Variants in ATP11A observed in about 807,000 individuals in gnomAD.
ATP11A encodes the protein phospholipid-transporting ATPase IH.
In ATP11A, 81 loss-of-function variants were observed where a neutral mutation model predicts 154.4. The ratio of observed to expected loss-of-function variants is 0.52; its 90% CI spans 0.44 to 0.63. The LOEUF (loss-of-function observed/expected upper bound fraction) is 0.63, where lower values mean the gene tolerates loss of function less well. ATP11A is among the 30% of genes least tolerant of loss of function. The pLI is 0.00. For missense variants in ATP11A, 1,316 were observed against 1,474.3 expected (o/e 0.89, Z 1.76); for synonymous variants, 623 against 585.9 (o/e 1.06, Z -0.91).
At chr13:112,764,402 A>G (rs1283872558) in intron 1 of ATP11A, among the ~76,000 whole-genome samples, 1 of 152,198 alleles carries the variant, frequency 6.6e-6, no homozygotes, top group Non-Finnish European at 1.5e-5. Context: ...GATTTCATGG[A>G]ATGGGGACAT....
chr13:112,777,556 C>T (rs546295768), intron 1 of ATP11A, among the ~76,000 whole-genome samples: 2 of 152,298 alleles, frequency 1.3e-5, no homozygotes, highest in African/African-American at 2.4e-5. Flanking sequence ...AAGAGCAAGA[C>T]TTCGTCTCAA....
At chr13:112,787,797 C>A (rs1317593549) in intron 2 of ATP11A, among the ~76,000 whole-genome samples, 2 of 134,698 alleles carry the variant, frequency 1.5e-5, no homozygotes, top group African/African-American at 5.8e-5. Context: ...GACGTGTAAA[C>A]CCCTGTGGAG....
intron 1 of ATP11A, among the ~76,000 whole-genome samples, chr13:112,695,395 C>T (rs572877680): frequency 2.8e-4 from 42 of 152,348 alleles, no homozygotes; most frequent in African/African-American, 1.0e-3. Flanking sequence ...TTCAGGGCCT[C>T]GTGTCTTCCA....
At chr13:112,729,545 GC>G (rs1890268032) in intron 1 of ATP11A, among the ~76,000 whole-genome samples, 1 of 151,666 alleles carries the variant, frequency 6.6e-6, no homozygotes, top group South Asian at 2.1e-4. Context: ...GGCATTGCAG[GC>G]CCGGAGTGTC....
Position 112,784,212 on chromosome 13 carries a change from A to G in ATP11A, c.40-923A>G, listed in dbSNP as rs541362474. Among the ~76,000 whole-genome samples, 201 of 152,360 alleles carry G rather than the reference A, an allele frequency of 1.3e-3. 1 individual carries two copies. The highest frequency in any genetic ancestry group is 4.2e-3 in the African/African-American group (176 of 41,584). ...AGATTAAGGGGTGGTTTATGCAGAA[A>G]TTTCTAGGAGAAGGATGTAACTTGT... On this transcript the variant is annotated intron_variant, in intron 1 of 29. Transcript: ENST00000375645.
chr13:112,823,346 C>A lies in ATP11A; in HGVS notation c.727C>A (p.Pro243Thr). 6.2e-7 allele frequency: 1 copy of A among 1,613,194 alleles called. No individual in the cohort carries two copies. The highest frequency in any genetic ancestry group is 8.5e-7 in the Non-Finnish European group (1 of 1,179,248). The stretch of plus-strand genomic sequence containing the variant: ...TTTCTGATCATCGTATCTTTACAGG[C>A]CCTTAGGATCGGAAAACCTGCTGCT... ...YSDLNDPVVR[P>T]LGSENLLLRG... Residue 243 changes from proline (P) to threonine (T), a missense_variant and splice_region_variant, in exon 9 of 30, where the codon CCC becomes ACC. By Grantham distance (38) the Pro-to-Thr change is conservative. Around this residue, in one of 5 missense-constraint regions of ATP11A, gnomAD observed 876 missense variants for 1,006.8 expected, o/e 0.87. Coordinates refer to ENST00000375645, the MANE Select transcript of ATP11A (RefSeq NM_015205.3).
Position 112,833,015 on chromosome 13 carries a change from T to C in ATP11A, c.1551T>C (p.Gly517=). Reference sequence around the variant, plus strand: ...CCGACGAGGTGGCGCTGGTCGAAGGTGTCCAGAGGTACGTCGCGGGCCAAG... The same window carrying C: ...CCGACGAGGTGGCGCTGGTCGAAGGCGTCCAGAGGTACGTCGCGGGCCAAG... ...SSPDEVALVE[G]VQRLGFTYLR... Residue 517 remains glycine (G), a synonymous_variant, in exon 14 of 30, where the codon GGT becomes GGC. Coordinates refer to ENST00000375645, the MANE Select transcript of ATP11A (RefSeq NM_015205.3). 1.2e-6 allele frequency: 2 copies of C among 1,611,908 alleles called. No individual in the cohort carries two copies. The highest frequency in any genetic ancestry group is 1.7e-6 in the Non-Finnish European group (2 of 1,179,078).
intron 1 of ATP11A, among the ~76,000 whole-genome samples, chr13:112,766,137 C>G (rs2077071630): frequency 6.6e-6 from 1 of 152,038 alleles, no homozygotes. Flanking sequence ...GATGTGCCCA[C>G]CTGCTTGAGG....
At chr13:112,855,662 C>T (rs1486425084) in intron 19 of ATP11A, among the ~76,000 whole-genome samples, 1 of 152,174 alleles carries the variant, frequency 6.6e-6, no homozygotes, top group East Asian at 1.9e-4. Context: ...AGTACAGGGA[C>T]TTAACGAGTC....
At position 112,864,058 on chromosome 13, in the gene ATP11A, A is replaced by G. The variant is rs141976199; in HGVS notation, c.2991+1483A>G. ...CTCAGCAGGGTCCATCACCACCTGC[A>G]CAGTAATTCAGTGCAGGCCATGCAG... On this transcript the variant is annotated intron_variant, in intron 25 of 29. Coordinates refer to ENST00000375645, the MANE Select transcript of ATP11A (RefSeq NM_015205.3). Among the ~76,000 whole-genome samples the G allele has an allele frequency of 9.8e-3, 494 of 50,496 alleles. 116 individuals carry two copies. The highest frequency in any genetic ancestry group is 0.032 in the African/African-American group (463 of 14,470). 33.1% of individuals were successfully genotyped at this position (50,496 alleles called of 152,430 possible).
At chr13:112,776,981 G>T (rs752850292) in intron 1 of ATP11A, among the ~76,000 whole-genome samples, 1 of 152,180 alleles carries the variant, frequency 6.6e-6, no homozygotes, top group East Asian at 1.9e-4. Flanking sequence ...TGAGAGTGTC[G>T]CATCGTAGAT....
At chr13:112,826,935 G>C in intron 12 of ATP11A, 44 bp downstream of exon 12, 1 of 1,602,946 alleles carries the variant, frequency 6.2e-7, no homozygotes, top group Non-Finnish European at 8.5e-7. Context: ...TTAACATCTG[G>C]GTGAGTCTGC....
At chr13:112,793,345 G>T (rs2077910867) in intron 2 of ATP11A, among the ~76,000 whole-genome samples, 1 of 152,146 alleles carries the variant, frequency 6.6e-6, no homozygotes, top group South Asian at 2.1e-4. Context: ...GGAACTACAG[G>T]TGCCCACCAC....
In ATP11A at chr13:112,859,850, G is replaced by T. The variant is rs548384953; in HGVS notation, c.2727+398G>T. On this transcript the variant is annotated intron_variant, in intron 23 of 29. Transcript: ENST00000375645. The surrounding 1 kb of genome is among the most constrained non-coding windows in gnomAD (Gnocchi z 4.3). ...TAACACATGCAACGTGCCCATAGGGGAAGAAGACAGTTCCCATCCGGGAGG... is the reference window on the plus strand; with the variant it reads ...TAACACATGCAACGTGCCCATAGGGTAAGAAGACAGTTCCCATCCGGGAGG... 6.6e-6 allele frequency among the ~76,000 whole-genome samples: 1 copy of T among 152,336 alleles called. No homozygotes were observed. The highest frequency in any genetic ancestry group is 1.9e-4 in the East Asian group (1 of 5,180).
At chr13:112,878,121 C>A in intron 28 of ATP11A, 96 bp from the exon 29 acceptor site, 1 of 1,144,116 alleles carries the variant, frequency 8.7e-7, no homozygotes, top group Admixed American at 1.8e-5. Flanking sequence ...GTTTCTCTTT[C>A]CTTCCCATTT....
chr13:112,860,206 AG>A, intron 23 of ATP11A, 80 bp from the exon 24 acceptor site: 1 of 1,513,076 alleles, frequency 6.6e-7, no homozygotes, highest in Non-Finnish European at 9.0e-7. Flanking sequence ...CATTTCAGAA[AG>A]AAAATATATT....
In ATP11A at chr13:112,832,918, A is replaced by G. The variant is rs1431946101; in HGVS notation, c.1454A>G (p.Asp485Gly). The G allele has an allele frequency of 6.2e-7, 1 of 1,613,894 alleles. No homozygotes were observed. The highest frequency in any genetic ancestry group is 8.5e-7 in the Non-Finnish European group (1 of 1,179,978). ...LCLCHTVQVK[D>G]DDSVDGPRKS... ...CTCTGCCACACCGTCCAGGTGAAAG[A>G]CGATGACAGCGTAGACGGCCCCAGG... Residue 485 changes from aspartate to glycine, a missense_variant, in exon 14 of 30, where the codon GAC (aspartate) becomes GGC (glycine). Around this residue, in one of 5 missense-constraint regions of ATP11A, gnomAD observed 876 missense variants for 1,006.8 expected, o/e 0.87. Coordinates refer to ENST00000375645, the MANE Select transcript of ATP11A (RefSeq NM_015205.3).
chr13:112,859,699 C>T lies in ATP11A; in HGVS notation c.2727+247C>T, dbSNP rs984175250. 2.0e-5 allele frequency among the ~76,000 whole-genome samples: 3 copies of T among 152,212 alleles called. No individual in the cohort carries two copies. The highest frequency in any genetic ancestry group is 4.8e-5 in the African/African-American group (2 of 41,448). On this transcript the variant is annotated intron_variant, in intron 23 of 29. Coordinates refer to ENST00000375645, the MANE Select transcript of ATP11A (RefSeq NM_015205.3). This position sits in a 1 kb window ranked among gnomAD's most constrained non-coding sequence, Gnocchi z 4.3. ...CTGAAACTGCCGTGGCCCTGAGATG[C>T]GGGCCAGTGATGATGTGGTCTCCTC...
At chr13:112,761,747 G>C (rs780424565) in intron 1 of ATP11A, among the ~76,000 whole-genome samples, 1 of 152,036 alleles carries the variant, frequency 6.6e-6, no homozygotes, top group Non-Finnish European at 1.5e-5. Flanking sequence ...CTGAGGATAA[G>C]GGGGTTGCTG....
Sources: gnomAD v4.1 joint callset for allele counts (sites outside exome capture counted in the v4.1 genomes callset) on GRCh38, gnomAD v4.1.1 for gene constraint, gnomAD v4.1.1 regional missense constraint, Gnocchi (gnomAD v3.1) non-coding constraint, MANE v1.5 for transcripts, NCBI Gene and HGNC (gene_info 2026-07-23, HGNC 2026-07-21) for gene names.